Variants in PEX5L observed in about 807,000 individuals in gnomAD.
The protein encoded by PEX5L is peroxisomal biogenesis factor 5 like, also known as PEX5-related protein.
PEX5L carries 30 observed loss-of-function variants against 84.0 expected under a neutral mutation model. The ratio of observed to expected loss-of-function variants is 0.36; its 90% confidence interval spans 0.27 to 0.48. The LOEUF (loss-of-function observed/expected upper bound fraction) is 0.48. PEX5L is among the 20% of genes least tolerant of loss of function. The pLI is 0.99. For missense variants in PEX5L, 533 were observed against 754.6 expected, an observed-to-expected ratio of 0.71 and a Z score of 3.44; for synonymous variants, 270 against 283.1, an observed-to-expected ratio of 0.95 and a Z score of 0.46.
chr3:180,003,820 A>G (rs1049163873), intron 1 of PEX5L, among the ~76,000 whole-genome samples: 2 of 152,218 alleles, frequency 1.3e-5, no homozygotes, highest in Non-Finnish European at 2.9e-5. Context: ...ATTAAAGAAT[A>G]AATAAATTTC....
At chr3:179,994,734 G>C (rs1787699320) in intron 1 of PEX5L, among the ~76,000 whole-genome samples, 1 of 152,142 alleles carries the variant, frequency 6.6e-6, no homozygotes. Context: ...GGGAAAGGCA[G>C]ACCCACTCTT....
chr3:179,893,607 A>G (rs544925650), intron 3 of PEX5L, among the ~76,000 whole-genome samples: 5 of 152,170 alleles, frequency 3.3e-5, no homozygotes, highest in Non-Finnish European at 7.3e-5. Context: ...ATGATAAAAC[A>G]ATGTCTGTAA....
intron 8 of PEX5L, among the ~76,000 whole-genome samples, chr3:179,848,565 A>AAG (rs1553855430): frequency 3.3e-5 from 5 of 151,906 alleles, no homozygotes; most frequent in African/African-American, 9.7e-5. Flanking sequence ...AAAAAAAAAA[A>AAG]AAAAGAAAAG....
intron 2 of PEX5L, among the ~76,000 whole-genome samples, chr3:179,960,331 C>T (rs1023299090): frequency 1.3e-5 from 2 of 152,194 alleles, no homozygotes; most frequent in Non-Finnish European, 2.9e-5. Context: ...ACACTCGATG[C>T]TTCAAGGTGT....
At chr3:179,912,567 A>G (rs1315783920) in intron 2 of PEX5L, among the ~76,000 whole-genome samples, 3 of 152,128 alleles carry the variant, frequency 2.0e-5, no homozygotes, top group Admixed American at 2.0e-4. Flanking sequence ...AAAGCAGAAG[A>G]GGTTTTAGGT....
At chr3:179,919,822 C>A (rs1271001596) in intron 2 of PEX5L, among the ~76,000 whole-genome samples, 1 of 152,160 alleles carries the variant, frequency 6.6e-6, no homozygotes, top group African/African-American at 2.4e-5. Flanking sequence ...ACTGCCTCAG[C>A]CTCCCGAGTA....
intron 1 of PEX5L, among the ~76,000 whole-genome samples, chr3:180,019,498 G>A (rs1790240422): frequency 6.6e-6 from 1 of 152,078 alleles, no homozygotes; most frequent in Non-Finnish European, 1.5e-5. Context: ...TTTTAAATGT[G>A]CAAACAGGCA....
chr3:180,036,008 A>G (rs1791876194), intron 1 of PEX5L, among the ~76,000 whole-genome samples: 1 of 152,150 alleles, frequency 6.6e-6, no homozygotes. Flanking sequence ...AAAACATTAG[A>G]GCTCCTTGGA....
intron 10 of PEX5L, among the ~76,000 whole-genome samples, 190 bp from the exon 11 acceptor site, chr3:179,812,061 C>T (rs138718154): frequency 4.6e-4 from 70 of 152,284 alleles, no homozygotes; most frequent in Admixed American, 7.8e-4. Context: ...GCTCAAGATC[C>T]TCTGTCATTA....
chr3:179,851,552 T>C (rs1741895710), intron 8 of PEX5L, among the ~76,000 whole-genome samples: 1 of 152,180 alleles, frequency 6.6e-6, no homozygotes, highest in Non-Finnish European at 1.5e-5. Context: ...GCAGTAAACT[T>C]TTTCACTGCC....
chr3:179,908,723 G>GT (rs1359726981), intron 2 of PEX5L, among the ~76,000 whole-genome samples: 3 of 150,886 alleles, frequency 2.0e-5, no homozygotes, highest in African/African-American at 7.3e-5. Context: ...GTGGTGTTTG[G>GT]TTTTTTGTCC....
chr3:179,909,662 A>G (rs1457313082), intron 2 of PEX5L, among the ~76,000 whole-genome samples: 1 of 152,216 alleles, frequency 6.6e-6, no homozygotes, highest in African/African-American at 2.4e-5. Flanking sequence ...ACTAAGCCCC[A>G]GTATTTAAGA....
At chr3:179,940,923 A>G (rs1197569396) in intron 2 of PEX5L, among the ~76,000 whole-genome samples, 1 of 152,224 alleles carries the variant, frequency 6.6e-6, no homozygotes, top group Non-Finnish European at 1.5e-5. Context: ...AAGAGTCTTG[A>G]GCTACCTCTT....
chr3:179,995,890 G>C (rs1256865457), intron 1 of PEX5L, among the ~76,000 whole-genome samples: 1 of 152,172 alleles, frequency 6.6e-6, no homozygotes, highest in African/African-American at 2.4e-5. Flanking sequence ...CTTGGAATGG[G>C]GACGTGTGGG....
At chr3:179,817,467 C>T (rs1283211416) in intron 9 of PEX5L, among the ~76,000 whole-genome samples, 1 of 152,072 alleles carries the variant, frequency 6.6e-6, no homozygotes, top group Non-Finnish European at 1.5e-5. Context: ...ACGGTGAAAG[C>T]CTTATGCACA....
chr3:179,969,418 C>T (rs1337508672), intron 2 of PEX5L, among the ~76,000 whole-genome samples: 4 of 151,788 alleles, frequency 2.6e-5, no homozygotes, highest in Non-Finnish European at 4.4e-5. Context: ...CTCATATCTA[C>T]GAGATGAGGC....
At position 179,799,866 on chromosome 3, in the gene PEX5L, GAGACTGT is replaced by G. The variant is rs1025046526; in HGVS notation, c.*1955_*1961del. On this transcript the variant is annotated 3_prime_UTR_variant, in exon 15 of 15. Coordinates refer to ENST00000467460, the MANE Select transcript of PEX5L (RefSeq NM_016559.3). ...CATTGTTGAGCTTTACTTTGCTGCT[GAGACTGT>G]AGAGAAGCACGGTCTGAGACTGGGT... 111 of 152,306 alleles carry G rather than the reference GAGACTGT, an allele frequency of 7.3e-4. No individual in the cohort carries two copies. Among genetic ancestry groups the G allele is most frequent in the African/African-American group, 2.5e-3 (105 of 41,548 alleles). The allele number at this position is 152,306 out of a possible 1,614,324, so 9.4% of individuals were successfully genotyped here.
chr3:180,000,430 C>T (rs1228468832), intron 1 of PEX5L, among the ~76,000 whole-genome samples: 1 of 152,070 alleles, frequency 6.6e-6, no homozygotes, highest in African/African-American at 2.4e-5. Context: ...TACAACAGCC[C>T]AATCCAGGCA....
intron 9 of PEX5L, among the ~76,000 whole-genome samples, chr3:179,818,950 C>T (rs1347203910): frequency 6.6e-6 from 1 of 151,254 alleles, no homozygotes; most frequent in African/African-American, 2.4e-5. Context: ...TGAAGTGATC[C>T]TCCCACCTCA....
Sources: gnomAD v4.1 joint callset for allele counts (sites outside exome capture counted in the v4.1 genomes callset) on GRCh38, gnomAD v4.1.1 for gene constraint, MANE v1.5 for transcripts, NCBI Gene and HGNC (gene_info 2026-07-23, HGNC 2026-07-21) for gene names.